Variants in OCA2 observed in about 807,000 individuals in gnomAD.
OCA2 encodes the protein P protein.
OCA2 carries 77 observed loss-of-function variants against 100.2 expected under a neutral mutation model. The ratio of observed to expected loss-of-function variants is 0.77; its 90% CI spans 0.64 to 0.93. The LOEUF is 0.93. Among genes scored for constraint, OCA2 ranks in the 40% least tolerant of loss-of-function variants. The pLI, the probability that OCA2 is intolerant of heterozygous loss-of-function variation, is 0.00. For missense variants in OCA2, 1,062 were observed against 1,089.1 expected (o/e 0.98, Z 0.35); for synonymous variants, 432 against 439.2 (o/e 0.98, Z 0.21).
intron 23 of OCA2, among the ~76,000 whole-genome samples, chr15:27,803,386 A>T (rs780556361): frequency 6.6e-6 from 1 of 152,230 alleles, no homozygotes; most frequent in Non-Finnish European, 1.5e-5. Context: ...ATGGAATATT[A>T]TTCATCCTTA....
chr15:27,808,867 G>A lies in OCA2; in HGVS notation c.2432+36092C>T, dbSNP rs142045939. Among the ~76,000 whole-genome samples, 559 of 152,298 alleles carry A rather than the reference G, an allele frequency of 3.7e-3. 3 individuals carry two copies. Among genetic ancestry groups the A allele is most frequent in the African/African-American group, 0.013 (527 of 41,576 alleles). On this transcript the variant is annotated intron_variant, in intron 23 of 23. Coordinates refer to ENST00000354638, the MANE Select transcript of OCA2 (RefSeq NM_000275.3). Reference sequence around the variant, plus strand: ...TGTGTTGGCCACATCCCAGGACAACGGCTGTCCTGCTCCCGTCTCTTCTAG... The same window carrying A: ...TGTGTTGGCCACATCCCAGGACAACAGCTGTCCTGCTCCCGTCTCTTCTAG...
intron 18 of OCA2, among the ~76,000 whole-genome samples, chr15:27,950,151 A>G (rs2039982185): frequency 1.3e-5 from 2 of 152,190 alleles, no homozygotes; most frequent in Non-Finnish European, 2.9e-5. Context: ...CTGTTGCCAA[A>G]TGTTAATAAA....
At chr15:27,758,578 C>T (rs1013661953) in intron 23 of OCA2, among the ~76,000 whole-genome samples, 20 of 152,220 alleles carry the variant, frequency 1.3e-4, no homozygotes, top group African/African-American at 4.1e-4. Flanking sequence ...AAAAATTCTT[C>T]AACAAGCAAT....
intron 19 of OCA2, among the ~76,000 whole-genome samples, chr15:27,919,167 A>G (rs2038772766): frequency 6.6e-6 from 1 of 152,140 alleles, no homozygotes; most frequent in Non-Finnish European, 1.5e-5. Context: ...ACACAAGAAT[A>G]GTCCTGATCG....
In OCA2 at chr15:27,828,849, C is replaced by T. The variant is rs571839676; in HGVS notation, c.2432+16110G>A. Among the ~76,000 whole-genome samples the T allele has an allele frequency of 4.6e-4, 70 of 152,254 alleles. 1 individual carries two copies. In the South Asian group the frequency reaches 0.014, roughly 31 times the overall value. On this transcript the variant is annotated intron_variant, in intron 23 of 23. Coordinates refer to ENST00000354638, the MANE Select transcript of OCA2 (RefSeq NM_000275.3). Reference sequence around the variant, plus strand: ...GCTTCAGGAAGAAGACCTGGCTCTCCGTGGCATGAAGTCAGAGCAAAGGCC... The same window carrying T: ...GCTTCAGGAAGAAGACCTGGCTCTCTGTGGCATGAAGTCAGAGCAAAGGCC...
rs377452717 is a variant in OCA2, at chr15:27,816,481, C to T, written c.2432+28478G>A. ...TCATTTGTTCAAGAAAGACCAGACA[C>T]CATGTCCCATTCGTAAGTATGGGTG... On this transcript the variant is annotated intron_variant, in intron 23 of 23. Coordinates refer to ENST00000354638, the MANE Select transcript of OCA2 (RefSeq NM_000275.3). Among the ~76,000 whole-genome samples the T allele has an allele frequency of 1.1e-4, 17 of 152,328 alleles. No homozygotes were observed. In the East Asian group the frequency reaches 2.7e-3, roughly 24 times the overall value.
the OCA2 span, among the ~76,000 whole-genome samples, chr15:27,738,063 G>A: frequency 6.6e-6 from 1 of 152,158 alleles, no homozygotes; most frequent in Non-Finnish European, 1.5e-5. Flanking sequence ...TATTCTACTG[G>A]TGGGAGTATA....
At chr15:27,963,452 G>A (rs530952174) in intron 15 of OCA2, among the ~76,000 whole-genome samples, 9 of 152,148 alleles carry the variant, frequency 5.9e-5, no homozygotes, top group African/African-American at 2.2e-4. Context: ...TACTACAGTG[G>A]AACTAAATTA....
At chr15:27,979,185 C>G (rs1417558367) in intron 14 of OCA2, among the ~76,000 whole-genome samples, 1 of 152,130 alleles carries the variant, frequency 6.6e-6, no homozygotes, top group East Asian at 1.9e-4. Flanking sequence ...TTAGATTTTG[C>G]CCAACTATAT....
At chr15:28,003,192 T>C (rs552687218) in intron 9 of OCA2, among the ~76,000 whole-genome samples, 4 of 152,360 alleles carry the variant, frequency 2.6e-5, no homozygotes, top group South Asian at 2.1e-4. Flanking sequence ...CTATTGTATA[T>C]GGAAAAGCTT....
Position 27,972,759 on chromosome 15 carries a change from G to A in OCA2, c.1504-5937C>T, listed in dbSNP as rs141847492. Among the ~76,000 whole-genome samples, 1,007 of 151,196 alleles carry A rather than the reference G, an allele frequency of 6.7e-3. 13 individuals carry two copies. The highest frequency in any genetic ancestry group is 0.023 in the African/African-American group (945 of 41,280). On this transcript the variant is annotated intron_variant, in intron 14 of 23. Coordinates refer to ENST00000354638, the MANE Select transcript of OCA2 (RefSeq NM_000275.3). ...TATAGATTCTGGATATTAGTCCTTT[G>A]TCAGATTCATAGTTTGCAAACATTG...
At chr15:27,855,416 C>T (rs2035913798) in intron 21 of OCA2, among the ~76,000 whole-genome samples, 1 of 152,230 alleles carries the variant, frequency 6.6e-6, no homozygotes, top group Admixed American at 6.5e-5. Flanking sequence ...CCACCTGCCA[C>T]TTCTGTGCAG....
chr15:27,722,788 CTCTCTCTCTCTCTT>C, the OCA2 span, among the ~76,000 whole-genome samples: 93 of 143,692 alleles, frequency 6.5e-4, no homozygotes, highest in African/African-American at 2.4e-3. Flanking sequence ...CTTTCTCTCT[CTCTCTCTCTCTCTT>C]TCTCTCTCTC....
chr15:27,756,262 T>C (rs1373367201), intron 23 of OCA2, among the ~76,000 whole-genome samples: 1 of 152,220 alleles, frequency 6.6e-6, no homozygotes, highest in African/African-American at 2.4e-5. Context: ...AGTAAGAGCC[T>C]AGCATGTGGC....
Position 28,081,841 on chromosome 15 carries a change from G to A in OCA2, c.34C>T (p.Pro12Ser), listed in dbSNP as rs759852184. The A allele has an allele frequency of 1.2e-6, 2 of 1,611,502 alleles. No individual in the cohort carries two copies. Among genetic ancestry groups the A allele is most frequent in the African/African-American group, 2.7e-5 (2 of 75,052 alleles). Residue 12 changes from proline to serine, a missense_variant, in exon 2 of 24, where the codon CCC becomes TCC. By Grantham distance (74) the Pro-to-Ser change is moderately conservative. Coordinates refer to ENST00000354638, the MANE Select transcript of OCA2 (RefSeq NM_000275.3). ...AGGAGCTCCACCGCCGGCGCGCCGG[G>A]GTACCGCCTGCCGTCTCTGCCCTCC... ...HLEGRDGRRY[P>S]GAPAVELLQT...
In OCA2 at chr15:27,993,698, G is replaced by A. The variant is rs554216221; in HGVS notation, c.1045-3051C>T. Reference sequence around the variant, plus strand: ...CTCCCCTCCCTCGTCACACACACCGGCTTGCAAGTGATCCACACATGAGCA... The same window carrying A: ...CTCCCCTCCCTCGTCACACACACCGACTTGCAAGTGATCCACACATGAGCA... On this transcript the variant is annotated intron_variant, in intron 9 of 23. Transcript: ENST00000354638. Among the ~76,000 whole-genome samples, 26 of 151,958 alleles carry A rather than the reference G, an allele frequency of 1.7e-4. No individual in the cohort carries two copies. The South Asian group carries it at 5.4e-3, about 32-fold the overall frequency.
chr15:27,924,511 A>C (rs2038977626), intron 19 of OCA2, among the ~76,000 whole-genome samples: 1 of 152,212 alleles, frequency 6.6e-6, no homozygotes, highest in Admixed American at 6.5e-5. Flanking sequence ...AACATACGTG[A>C]CCATCAAAGC....
chr15:28,084,314 T>G (rs1204736815), intron 1 of OCA2, among the ~76,000 whole-genome samples: 1 of 152,190 alleles, frequency 6.6e-6, no homozygotes, highest in Non-Finnish European at 1.5e-5. Flanking sequence ...ATGAATGGAC[T>G]CACACAGGAA....
In OCA2 at chr15:27,755,565, C is replaced by T. The variant is rs530544648; in HGVS notation, c.2433-93G>A. On this transcript the variant is annotated intron_variant, in intron 23 of 23. Coordinates refer to ENST00000354638, the MANE Select transcript of OCA2 (RefSeq NM_000275.3). The stretch of plus-strand genomic sequence containing the variant: ...AGCTCATGAGAACATGGCCTTAGCA[C>T]CTTTGCATTTTCACAATGGCCACTA... 800 of 972,466 alleles carry T rather than the reference C, an allele frequency of 8.2e-4. 3 individuals are homozygous for T. The highest frequency in any genetic ancestry group is 9.8e-4 in the Non-Finnish European group (593 of 606,356). The allele number at this position is 972,466 out of a possible 1,614,324, so 60.2% of individuals were successfully genotyped here.
Sources: gnomAD v4.1 joint callset for allele counts (sites outside exome capture counted in the v4.1 genomes callset) on GRCh38, gnomAD v4.1.1 for gene constraint, MANE v1.5 for transcripts, NCBI Gene and HGNC (gene_info 2026-07-23, HGNC 2026-07-21) for gene names.